Variants in KIF26B observed in about 807,000 individuals in gnomAD.
KIF26B encodes kinesin family member 26B.
In KIF26B, 63 loss-of-function variants were observed where a neutral mutation model predicts 151.2. That is an observed-to-expected ratio of 0.42 (90% confidence interval 0.34 to 0.51). KIF26B has a LOEUF of 0.51. KIF26B is among the 20% of genes least tolerant of loss of function. The pLI is 0.07. For missense variants in KIF26B, 2,813 were observed against 2,913.6 expected, an observed-to-expected ratio of 0.97 and a Z score of 0.79; for synonymous variants, 1,357 against 1,262.1, an observed-to-expected ratio of 1.08 and a Z score of -1.59.
chr1:245,176,549 G>GC (rs1167770942), intron 2 of KIF26B, among the ~76,000 whole-genome samples: 1 of 152,062 alleles, frequency 6.6e-6, no homozygotes, highest in African/African-American at 2.4e-5. Flanking sequence ...GCTACCAAAG[G>GC]CCCTGATGGG....
chr1:245,702,320 T>C lies in KIF26B; in HGVS notation c.6179-138T>C. On this transcript the variant is annotated intron_variant, in intron 14 of 14. Coordinates refer to ENST00000407071, the MANE Select transcript of KIF26B (RefSeq NM_018012.4). The surrounding 1 kb of genome is among the most constrained non-coding windows in gnomAD (Gnocchi z 4.1). The stretch of plus-strand genomic sequence containing the variant: ...CCGAGAATCAGGCAGGAGGGAACTC[T>C]GCAGTGGCCTAAGGCAAGCGAACTA... The C allele has an allele frequency of 3.8e-6, 3 of 788,528 alleles. No individual in the cohort carries two copies. Among genetic ancestry groups the C allele is most frequent in the Non-Finnish European group, 6.1e-6 (3 of 488,790 alleles). The allele number at this position is 788,528 out of a possible 1,614,324, so 48.8% of individuals were successfully genotyped here. A position where few individuals can be genotyped will look rare whatever the true frequency, so the allele number is the denominator to read the frequency against.
intron 10 of KIF26B, among the ~76,000 whole-genome samples, chr1:245,650,426 T>C (rs1239576427): frequency 6.6e-6 from 1 of 152,230 alleles, no homozygotes; most frequent in South Asian, 2.1e-4. Context: ...GCCACAAGGA[T>C]CTGTCAGGGT....
At chr1:245,486,175 TC>T (rs1660276077) in intron 4 of KIF26B, among the ~76,000 whole-genome samples, 2 of 152,256 alleles carry the variant, frequency 1.3e-5, no homozygotes, top group African/African-American at 4.8e-5. Flanking sequence ...TCTTTAGGCT[TC>T]TTTCGTAATA....
rs200000695 is a variant in KIF26B, at chr1:245,687,686, C to T, written c.4703C>T (p.Ser1568Leu). ...AAETNGVGAA[S>L]GTPPSKATLE... ...GAGACCAACGGGGTGGGTGCAGCCT[C>T]GGGCACCCCGCCCTCCAAGGCTACC... Residue 1568 changes from serine (S) to leucine (L), a missense_variant, in exon 12 of 15, where the codon TCG becomes TTG. Ser to Leu is a moderately radical substitution (Grantham distance 145). Coordinates refer to ENST00000407071, the MANE Select transcript of KIF26B (RefSeq NM_018012.4). This position sits in a 1 kb window ranked among gnomAD's most constrained non-coding sequence, Gnocchi z 4.9. 3,276 of 1,580,632 alleles carry T rather than the reference C, an allele frequency of 2.1e-3. 5 individuals are homozygous for T. Among genetic ancestry groups the T allele is most frequent in the Admixed American group, 4.7e-3 (264 of 56,092 alleles).
At chr1:245,666,925 T>C (rs1378082749) in intron 10 of KIF26B, among the ~76,000 whole-genome samples, 1 of 152,054 alleles carries the variant, frequency 6.6e-6, no homozygotes, top group Non-Finnish European at 1.5e-5. Flanking sequence ...GGCCTCAAAT[T>C]GAGGGCACAG....
chr1:245,640,160 T>TATATATATATATATATATAC (rs796722836), intron 9 of KIF26B, among the ~76,000 whole-genome samples: 885 of 54,028 alleles, frequency 0.016, 97 homozygotes, highest in East Asian at 0.025. Flanking sequence ...TATATATATA[T>TATATATATATATATATATAC]ACCCTGCTAT....
rs78603251 is a variant in KIF26B at position 245,309,089 on chromosome 1, A to G, written c.466-57745A>G. Among the ~76,000 whole-genome samples, 509 of 152,316 alleles carry G rather than the reference A, an allele frequency of 3.3e-3. 1 individual carries two copies. The highest frequency in any genetic ancestry group is 0.012 in the African/African-American group (481 of 41,572). The stretch of plus-strand genomic sequence containing the variant: ...CCTTGATGGACAATCAGGACATTCT[A>G]GCAAATGTGCATTGTGCTCTAGAGG... On this transcript the variant is annotated intron_variant, in intron 2 of 14. Coordinates refer to ENST00000407071, the MANE Select transcript of KIF26B (RefSeq NM_018012.4).
In KIF26B at chr1:245,688,217, C is replaced by G; in HGVS notation, c.5234C>G (p.Ala1745Gly). ...VSRLLLASPR[A>G]RGPSASTTKT... Reference sequence around the variant, plus strand: ...AGACTCCTCCTGGCCAGCCCCAGAGCGCGCGGCCCGTCCGCCTCCACCACC... The same window carrying G: ...AGACTCCTCCTGGCCAGCCCCAGAGGGCGCGGCCCGTCCGCCTCCACCACC... The change falls in exon 12 of 15, where the codon GCG becomes GGG. Residue 1745 changes from alanine to glycine, a missense_variant. Transcript: ENST00000407071. The G allele has an allele frequency of 6.3e-7, 1 of 1,588,046 alleles. No homozygotes were observed. The highest frequency in any genetic ancestry group is 8.5e-7 in the Non-Finnish European group (1 of 1,171,862).
chr1:245,448,537 G>A (rs935752448), intron 4 of KIF26B, among the ~76,000 whole-genome samples: 6 of 152,148 alleles, frequency 3.9e-5, no homozygotes, highest in African/African-American at 1.4e-4. Flanking sequence ...AACTTACCCA[G>A]TCCAAGGTAT....
At position 245,646,234 on chromosome 1, in the gene KIF26B, A is replaced by G. The variant is rs748303252; in HGVS notation, c.2212A>G (p.Asn738Asp). Residue 738 changes from asparagine to aspartate, a missense_variant, in exon 10 of 15, where the codon AAT becomes GAT. Physicochemically the swap from Asn to Asp is conservative, Grantham distance 23. Around this residue, in one of 3 missense-constraint regions of KIF26B, gnomAD observed 2,060 missense variants for 2,088.6 expected, o/e 0.99. Coordinates refer to ENST00000407071, the MANE Select transcript of KIF26B (RefSeq NM_018012.4). Reference sequence around the variant, plus strand: ...GTGTCTCTCGCTGTCTGCTCTGGGCAATGTCATCCTGGCTCTCGTCAATGG... The same window carrying G: ...GTGTCTCTCGCTGTCTGCTCTGGGCGATGTCATCCTGGCTCTCGTCAATGG... ...GLCLSLSALG[N>D]VILALVNGSK... 1 of 1,613,988 alleles carries G rather than the reference A, an allele frequency of 6.2e-7. No homozygotes were observed. Among genetic ancestry groups the G allele is most frequent in the Admixed American group, 1.7e-5 (1 of 60,030 alleles).
chr1:245,161,734 A>G (rs765056897), intron 2 of KIF26B, among the ~76,000 whole-genome samples: 7 of 152,212 alleles, frequency 4.6e-5, no homozygotes, highest in Non-Finnish European at 1.0e-4. Context: ...AGATCATAGA[A>G]GGAAGCATGA....
At chr1:245,378,833 C>G (rs1206346859) in intron 3 of KIF26B, among the ~76,000 whole-genome samples, 1 of 152,146 alleles carries the variant, frequency 6.6e-6, no homozygotes, top group Non-Finnish European at 1.5e-5. Context: ...ACTGTGTGAC[C>G]TCAAGCGGGC....
At chr1:245,537,471 C>T (rs1359661737) in intron 4 of KIF26B, among the ~76,000 whole-genome samples, 2 of 152,108 alleles carry the variant, frequency 1.3e-5, no homozygotes, top group African/African-American at 2.4e-5. Flanking sequence ...TACTCTGGCT[C>T]CTTTGTGAAT....
intron 4 of KIF26B, among the ~76,000 whole-genome samples, chr1:245,493,528 G>A (rs1479365474): frequency 2.0e-5 from 3 of 152,318 alleles, no homozygotes; most frequent in South Asian, 2.1e-4. Flanking sequence ...GCGTGGCAAC[G>A]GCCTTTGGAG....
intron 4 of KIF26B, among the ~76,000 whole-genome samples, chr1:245,447,487 A>C (rs1659273774): frequency 6.6e-6 from 1 of 152,038 alleles, no homozygotes; most frequent in Admixed American, 6.6e-5. Context: ...TTAGGAGGGG[A>C]TCAGGTCTCG....
rs1213641981 is a variant in KIF26B, at chr1:245,686,054, G to A, written c.3071G>A (p.Ser1024Asn). The A allele has an allele frequency of 1.3e-6, 2 of 1,595,170 alleles. No homozygotes were observed. Among genetic ancestry groups the A allele is most frequent in the Admixed American group, 1.8e-5 (1 of 56,940 alleles). The change falls in exon 12 of 15, where the codon AGC becomes AAC. Residue 1024 changes from serine to asparagine, a missense_variant. Physicochemically the swap from Ser to Asn is conservative, Grantham distance 46. This residue lies in a region of KIF26B where 2,060 missense variants were observed against 2,088.6 expected (regional missense o/e 0.99). Transcript: ENST00000407071. The surrounding 1 kb of genome is among the most constrained non-coding windows in gnomAD (Gnocchi z 5.6). Reference sequence around the variant, plus strand: ...AGCCCCAGCCCGGCCTCACCCAGGAGCGTCCCGGGCAGCAGTAGCCAGCAC... The same window carrying A: ...AGCCCCAGCCCGGCCTCACCCAGGAACGTCCCGGGCAGCAGTAGCCAGCAC... ...AHSPSPASPR[S>N]VPGSSSQHSA...
At chr1:245,260,811 C>A (rs1670621306) in intron 2 of KIF26B, among the ~76,000 whole-genome samples, 1 of 152,228 alleles carries the variant, frequency 6.6e-6, no homozygotes, top group Admixed American at 6.5e-5. Flanking sequence ...TGCAGACACA[C>A]ATCATTAAGT....
At chr1:245,570,388 C>T (rs1254876284) in intron 5 of KIF26B, among the ~76,000 whole-genome samples, 1 of 152,174 alleles carries the variant, frequency 6.6e-6, no homozygotes, top group East Asian at 1.9e-4. Context: ...ATTTTTTCCT[C>T]GTGATGTTAC....
intron 4 of KIF26B, among the ~76,000 whole-genome samples, chr1:245,527,378 T>C (rs1333315642): frequency 6.6e-6 from 1 of 152,116 alleles, no homozygotes; most frequent in African/African-American, 2.4e-5. Context: ...TGTCTATATT[T>C]ATAGGCAACC....
Sources: allele counts gnomAD v4.1 joint callset (sites outside exome capture counted in the v4.1 genomes callset), GRCh38; gene constraint gnomAD v4.1.1; regional missense constraint gnomAD v4.1.1; non-coding constraint Gnocchi (gnomAD v3.1); transcripts MANE v1.5; gene names NCBI Gene and HGNC (gene_info 2026-07-23, HGNC 2026-07-21).